RFX3: variants seen among roughly 807,000 people sequenced by gnomAD.
RFX3 encodes transcription factor RFX3.
A neutral mutation model predicts 98.6 loss-of-function variants in RFX3; 14 were observed. The observed-to-expected ratio is 0.14, with a 90% CI of 0.09 to 0.22. The LOEUF is 0.22. Among genes scored for constraint, RFX3 ranks in the 10% least tolerant of loss-of-function variants. The pLI is 1.00. For synonymous variants in RFX3, 383 were observed against 328.4 expected, an observed-to-expected ratio of 1.17 and a Z score of -1.80; for missense variants, 639 against 926.9, an observed-to-expected ratio of 0.69 and a Z score of 4.03.
intron 1 of RFX3, among the ~76,000 whole-genome samples, chr9:3,476,776 G>A (rs1267620410): frequency 6.6e-6 from 1 of 152,192 alleles, no homozygotes; most frequent in Admixed American, 6.5e-5. Context: ...TTGACAGGAA[G>A]AGGGAAGTTT....
intron 1 of RFX3, among the ~76,000 whole-genome samples, chr9:3,510,509 G>C (rs542075058): frequency 6.6e-6 from 1 of 152,094 alleles, no homozygotes; most frequent in African/African-American, 2.4e-5. Context: ...CGCAAATGTA[G>C]TACTGGTCAA....
intron 4 of RFX3, among the ~76,000 whole-genome samples, chr9:3,305,203 T>C (rs556283311): frequency 7.2e-5 from 11 of 152,134 alleles, no homozygotes; most frequent in African/African-American, 2.4e-4. Flanking sequence ...GCTATAAATA[T>C]ACATTTCATG....
intron 4 of RFX3, among the ~76,000 whole-genome samples, chr9:3,325,797 G>T (rs1301712106): frequency 1.3e-5 from 2 of 151,946 alleles, no homozygotes; most frequent in Admixed American, 1.3e-4. Flanking sequence ...GTATGTTCAG[G>T]TTCCAAAACT....
intron 1 of RFX3, among the ~76,000 whole-genome samples, chr9:3,410,002 C>T (rs1587558329): frequency 6.6e-6 from 1 of 152,114 alleles, no homozygotes. Flanking sequence ...CAAGGCCTGA[C>T]AGACGCGCAA....
At chr9:3,505,574 T>C (rs747143202) in intron 1 of RFX3, among the ~76,000 whole-genome samples, 2 of 148,968 alleles carry the variant, frequency 1.3e-5, no homozygotes, top group Non-Finnish European at 3.0e-5. Context: ...AGGACAGATG[T>C]AAAAATTAGG....
chr9:3,495,040 T>C (rs1049675697), intron 1 of RFX3, among the ~76,000 whole-genome samples: 23 of 152,016 alleles, frequency 1.5e-4, no homozygotes, highest in African/African-American at 5.6e-4. Context: ...ATTCTAACTT[T>C]AAATTGCCCT....
intron 1 of RFX3, among the ~76,000 whole-genome samples, chr9:3,492,411 T>C (rs1415740897): frequency 6.6e-6 from 1 of 152,256 alleles, no homozygotes; most frequent in Non-Finnish European, 1.5e-5. Flanking sequence ...GAGCTTGCTT[T>C]GGCCCTCTGG....
chr9:3,293,878 T>G (rs1412082061), intron 5 of RFX3, among the ~76,000 whole-genome samples: 5 of 152,150 alleles, frequency 3.3e-5, no homozygotes, highest in Admixed American at 1.3e-4. Flanking sequence ...GGCAAAGAGT[T>G]TACATGTAAT....
intron 1 of RFX3, among the ~76,000 whole-genome samples, chr9:3,496,211 A>AT (rs1851097258): frequency 6.6e-6 from 1 of 152,040 alleles, no homozygotes; most frequent in African/African-American, 2.4e-5. Flanking sequence ...TATTTACTAA[A>AT]ATAACTAAAC....
intron 1 of RFX3, among the ~76,000 whole-genome samples, chr9:3,503,336 T>G (rs1816258228): frequency 1.3e-5 from 2 of 152,172 alleles, no homozygotes; most frequent in African/African-American, 2.4e-5. Context: ...TTTTTTGCTT[T>G]GCTTAAGGTT....
chr9:3,232,771 T>TGAGA (rs36070658), intron 15 of RFX3, among the ~76,000 whole-genome samples: 4,220 of 132,354 alleles, frequency 0.032, 114 homozygotes, highest in African/African-American at 0.07. Context: ...GTTTAGAATC[T>TGAGA]GAGAGAGAGA....
chr9:3,334,245 A>G (rs1301126023), intron 3 of RFX3, among the ~76,000 whole-genome samples: 2 of 152,164 alleles, frequency 1.3e-5, no homozygotes, highest in African/African-American at 2.4e-5. Flanking sequence ...CTAGCACTAC[A>G]CTATTCTCCA....
chr9:3,366,340 C>A (rs906518712), intron 2 of RFX3, among the ~76,000 whole-genome samples: 1 of 152,138 alleles, frequency 6.6e-6, no homozygotes, highest in African/African-American at 2.4e-5. Context: ...CTTAACAATA[C>A]ATCTTTGGAG....
chr9:3,514,824 T>C (rs1012246851), intron 1 of RFX3, among the ~76,000 whole-genome samples: 4 of 152,234 alleles, frequency 2.6e-5, no homozygotes, highest in African/African-American at 9.6e-5. Context: ...TTCCGTGTTA[T>C]GTACTGATTT....
intron 2 of RFX3, among the ~76,000 whole-genome samples, chr9:3,354,446 C>T (rs1835511737): frequency 6.6e-6 from 1 of 151,410 alleles, no homozygotes; most frequent in Admixed American, 6.6e-5. Flanking sequence ...ATATGCTAGA[C>T]CCAGTAATAA....
chr9:3,495,167 A>G (rs939724451), intron 1 of RFX3, among the ~76,000 whole-genome samples: 1 of 151,886 alleles, frequency 6.6e-6, no homozygotes, highest in African/African-American at 2.4e-5. Flanking sequence ...AGTGCTCAGA[A>G]TATCAAGGAA....
At chr9:3,442,725 A>T (rs945649420) in intron 1 of RFX3, among the ~76,000 whole-genome samples, 2 of 152,238 alleles carry the variant, frequency 1.3e-5, no homozygotes, top group African/African-American at 4.8e-5. Flanking sequence ...ATCTAAAATT[A>T]TTCCAAAGTA....
At chr9:3,504,098 T>G (rs1041842094) in intron 1 of RFX3, among the ~76,000 whole-genome samples, 3 of 145,568 alleles carry the variant, frequency 2.1e-5, no homozygotes, top group African/African-American at 7.5e-5. Flanking sequence ...GATCAATACA[T>G]CTTTCTCTCT....
intron 15 of RFX3, among the ~76,000 whole-genome samples, chr9:3,231,247 T>C (rs553229710): frequency 6.6e-6 from 1 of 152,238 alleles, no homozygotes; most frequent in East Asian, 1.9e-4. Context: ...TTAAAAATCC[T>C]GTGAAGAAGA....
Sources: allele counts gnomAD v4.1 joint callset (sites outside exome capture counted in the v4.1 genomes callset), GRCh38; gene constraint gnomAD v4.1.1; transcripts MANE v1.5; gene names NCBI Gene and HGNC (gene_info 2026-07-23, HGNC 2026-07-21).